The following KDR variants were observed in gnomAD, a reference collection of about 807,000 sequenced individuals.
The protein encoded by KDR is vascular endothelial growth factor receptor 2.
A neutral mutation model predicts 160.9 loss-of-function variants in KDR; 43 were observed. The observed-to-expected ratio is 0.27, with a 90% CI of 0.21 to 0.34. The LOEUF (loss-of-function observed/expected upper bound fraction) is 0.34. Among genes scored for constraint, KDR ranks in the 10% least tolerant of loss-of-function variants. KDR has a pLI of 1.00. For synonymous variants in KDR, 617 were observed against 600.1 expected (o/e 1.03, Z -0.41); for missense variants, 1,469 against 1,666.4 (o/e 0.88, Z 2.06).
chr4:55,088,066 C>CA (rs1380395802), intron 26 of KDR, among the ~76,000 whole-genome samples: 4 of 152,204 alleles, frequency 2.6e-5, no homozygotes, highest in Admixed American at 6.5e-5. Context: ...CTACATAGAA[C>CA]AAAAAATCAC....
In KDR at chr4:55,087,603, G is replaced by A. The variant is rs767112123; in HGVS notation, c.3662+4C>T. 34 of 1,613,976 alleles carry A rather than the reference G, an allele frequency of 2.1e-5. No homozygotes were observed. The highest frequency in any genetic ancestry group is 2.7e-5 in the Non-Finnish European group (32 of 1,179,856). On this transcript the variant is annotated splice_donor_region_variant and intron_variant, in intron 27 of 29. Transcript: ENST00000263923. ...CCCGGGGGATGTTAGGCCATATACAGTACCTGATTCCTGCTGTGTTGTCAT... is the reference window on the plus strand; with the variant it reads ...CCCGGGGGATGTTAGGCCATATACAATACCTGATTCCTGCTGTGTTGTCAT...
At chr4:55,112,416 T>C (rs1223503546) in intron 7 of KDR, among the ~76,000 whole-genome samples, 1 of 152,170 alleles carries the variant, frequency 6.6e-6, no homozygotes, top group African/African-American at 2.4e-5. Context: ...ATATAATACA[T>C]ATAACATATA....
chr4:55,110,352 A>G, intron 9 of KDR, 51 bp downstream of exon 9: 2 of 1,580,000 alleles, frequency 1.3e-6, no homozygotes, highest in African/African-American at 1.3e-5. Context: ...GATTTGGAAG[A>G]CAATGTATCA....
Position 55,118,706 on chromosome 4 carries a change from T to C in KDR, c.256A>G (p.Lys86Glu), listed in dbSNP as rs1337972568. 3.1e-6 allele frequency: 5 copies of C among 1,614,078 alleles called. No homozygotes were observed. In the East Asian group the frequency reaches 1.1e-4, roughly 36 times the overall value. Reference protein sequence around the residue: ...VTECSDGLFCKTLTIPKVIGN... With the variant: ...VTECSDGLFCETLTIPKVIGN... ...ATCACTTTTGGAATTGTGAGTGTCTTACAGAAGAGGCCATCGCTGCACTCA... is the reference window on the plus strand; with the variant it reads ...ATCACTTTTGGAATTGTGAGTGTCTCACAGAAGAGGCCATCGCTGCACTCA... The change falls in exon 3 of 30, where the codon AAG becomes GAG. Residue 86 changes from lysine (K) to glutamate (E), a missense_variant. Around this residue, in one of 7 missense-constraint regions of KDR, gnomAD observed 792 missense variants for 840.9 expected, o/e 0.94. Coordinates refer to ENST00000263923, the MANE Select transcript of KDR (RefSeq NM_002253.4).
At chr4:55,111,586 C>T (rs1034895299) in intron 7 of KDR, among the ~76,000 whole-genome samples, 2 of 152,192 alleles carry the variant, frequency 1.3e-5, no homozygotes, top group Admixed American at 1.3e-4. Context: ...ATTAGCCTCC[C>T]AACTGACCTC....
chr4:55,115,155 C>G, intron 4 of KDR, 113 bp from the exon 5 acceptor site: 3 of 1,239,750 alleles, frequency 2.4e-6, no homozygotes, highest in Non-Finnish European at 3.5e-6. Context: ...TAGTTTTATT[C>G]ATTGCATTTG....
At chr4:55,118,979 C>T (rs920276994) in intron 2 of KDR, among the ~76,000 whole-genome samples, 179 bp from the exon 3 acceptor site, 2 of 152,156 alleles carry the variant, frequency 1.3e-5, no homozygotes, top group African/African-American at 2.4e-5. Flanking sequence ...GAGGCCAAGG[C>T]GGATGGATCA....
intron 9 of KDR, among the ~76,000 whole-genome samples, chr4:55,108,282 G>T (rs1720493103): frequency 6.6e-6 from 1 of 151,900 alleles, no homozygotes; most frequent in Non-Finnish European, 1.5e-5. Flanking sequence ...CAAGCTGAAT[G>T]ACTTTATGGA....
At chr4:55,111,350 G>A (rs141683451) in intron 7 of KDR, among the ~76,000 whole-genome samples, 52 of 152,222 alleles carry the variant, frequency 3.4e-4, no homozygotes, top group Admixed American at 6.5e-4. Context: ...CTGCCTTCTC[G>A]ATCTTTGCCA....
intron 15 of KDR, among the ~76,000 whole-genome samples, chr4:55,100,296 C>G (rs1439110641): frequency 6.6e-6 from 1 of 151,962 alleles, no homozygotes; most frequent in Non-Finnish European, 1.5e-5. Context: ...CTCTGGTGGT[C>G]CTAGGGAAGT....
At chr4:55,081,183 G>A (rs1233131432) in intron 29 of KDR, among the ~76,000 whole-genome samples, 1 of 151,984 alleles carries the variant, frequency 6.6e-6, no homozygotes, top group Non-Finnish European at 1.5e-5. Flanking sequence ...TTAATATGTT[G>A]GGGTTTTTTT....
intron 16 of KDR, 132 bp downstream of exon 16, chr4:55,098,565 G>A (rs372600160): frequency 1.9e-5 from 15 of 776,452 alleles, no homozygotes; most frequent in Middle Eastern, 2.8e-4. Flanking sequence ...GGGCAGGAAC[G>A]TTATTGTATT....
chr4:55,094,774 A>T (rs767867633), intron 21 of KDR, 28 bp downstream of exon 21: 1 of 1,607,760 alleles, frequency 6.2e-7, no homozygotes, highest in Admixed American at 1.7e-5. Flanking sequence ...AGAGCATGCC[A>T]TAGCATGCAG....
rs184864114 is a variant in KDR, at chr4:55,081,936, T to C, written c.3848+20A>G. On this transcript the variant is annotated intron_variant, in intron 29 of 29. Coordinates refer to ENST00000263923, the MANE Select transcript of KDR (RefSeq NM_002253.4). ...AAAATTCCTATTGAAATTTGTCTTT[T>C]TAATATGGCTGAGTCTTACCCAAAA... The C allele has an allele frequency of 6.9e-5, 107 of 1,560,996 alleles. 2 individuals are homozygous for C. Among genetic ancestry groups the C allele is most frequent in the Non-Finnish European group, 4.4e-6 (5 of 1,131,696 alleles).
At chr4:55,097,624 A>C (rs2110017188) in intron 18 of KDR, 38 bp downstream of exon 18, 1 of 1,327,246 alleles carries the variant, frequency 7.5e-7, no homozygotes, top group Non-Finnish European at 1.1e-6. Flanking sequence ...AGACTAGATA[A>C]AACAGAAAGA....
At chr4:55,123,915 C>G (rs766863975) in intron 1 of KDR, among the ~76,000 whole-genome samples, 2 of 152,186 alleles carry the variant, frequency 1.3e-5, no homozygotes, top group African/African-American at 4.8e-5. Context: ...TCAGGGCGAC[C>G]GGCCTGCCGT....
At chr4:55,095,788 G>A (rs540490028) in intron 19 of KDR, 123 bp from the exon 20 acceptor site, 7 of 732,896 alleles carry the variant, frequency 9.6e-6, no homozygotes, top group Non-Finnish European at 1.5e-5. Flanking sequence ...TGGGACAGGA[G>A]TGTAGAAATC....
At chr4:55,101,095 A>C (rs760165629) in intron 15 of KDR, among the ~76,000 whole-genome samples, 1 of 152,228 alleles carries the variant, frequency 6.6e-6, no homozygotes, top group Non-Finnish European at 1.5e-5. Context: ...CTCTAGTCCA[A>C]TTAAAACTCG....
At chr4:55,113,509 A>G (rs1460714632) in intron 6 of KDR, 28 bp from the exon 7 acceptor site, 1 of 1,600,818 alleles carries the variant, frequency 6.2e-7, no homozygotes, top group African/African-American at 1.3e-5. Context: ...CTGAACTTCC[A>G]AAGCACAGCA....
Sources: allele counts gnomAD v4.1 joint callset (sites outside exome capture counted in the v4.1 genomes callset), GRCh38; gene constraint gnomAD v4.1.1; regional missense constraint gnomAD v4.1.1; transcripts MANE v1.5; gene names NCBI Gene and HGNC (gene_info 2026-07-23, HGNC 2026-07-21).